The following NDRG4 variants were observed in gnomAD, a reference collection of about 807,000 sequenced individuals.
NDRG4 encodes NDRG family member 4, also known as protein NDRG4.
NDRG4 carries 38 observed loss-of-function variants against 55.8 expected under a neutral mutation model. That is an observed-to-expected ratio of 0.68 (90% CI 0.53 to 0.89). The LOEUF (loss-of-function observed/expected upper bound fraction) is 0.89, where lower values mean the gene tolerates loss of function less well. Ranked by LOEUF, NDRG4 falls within the 40% of genes least tolerant of loss-of-function variation. The pLI is 0.00. For synonymous variants in NDRG4, 190 were observed against 182.7 expected, an observed-to-expected ratio of 1.04 and a Z score of -0.32; for missense variants, 455 against 468.6, an observed-to-expected ratio of 0.97 and a Z score of 0.27.
At chr16:58,486,351 G>A (rs2035073690) in intron 1 of NDRG4, among the ~76,000 whole-genome samples, 1 of 151,624 alleles carries the variant, frequency 6.6e-6, no homozygotes, top group Non-Finnish European at 1.5e-5. Context: ...GTAGAGATGG[G>A]GCCTTGCTAT....
chr16:58,473,288 C>G (rs1016090799), intron 1 of NDRG4, among the ~76,000 whole-genome samples: 19 of 152,098 alleles, frequency 1.2e-4, no homozygotes, highest in Non-Finnish European at 2.1e-4. Context: ...GCCCCCGCCC[C>G]TAAGTAGCTG....
At chr16:58,510,238 G>GCA (rs1185404783) in intron 13 of NDRG4, among the ~76,000 whole-genome samples, 5 of 152,344 alleles carry the variant, frequency 3.3e-5, no homozygotes, top group Admixed American at 6.5e-5. Context: ...TCAGGGCACA[G>GCA]CAAGCATTTG....
chr16:58,514,781 A>C (rs887444231), downstream of NDRG4, among the ~76,000 whole-genome samples: 6 of 127,538 alleles, frequency 4.7e-5, no homozygotes, highest in East Asian at 2.7e-4. Flanking sequence ...AAAAAAAAAA[A>C]CTGAGTGTTG....
intron 13 of NDRG4, 24 bp downstream of exon 13, chr16:58,509,376 C>T: frequency 1.9e-6 from 3 of 1,611,430 alleles, no homozygotes; most frequent in Non-Finnish European, 2.5e-6. Flanking sequence ...CACCCCACCC[C>T]ACACCACCTA....
chr16:58,484,203 C>T (rs1219586552), intron 1 of NDRG4, among the ~76,000 whole-genome samples: 1 of 152,096 alleles, frequency 6.6e-6, no homozygotes, highest in African/African-American at 2.4e-5. Flanking sequence ...AACCTCATTT[C>T]TACTAAAAAT....
chr16:58,469,746 A>G (rs2151557612), intron 1 of NDRG4, among the ~76,000 whole-genome samples: 1 of 152,362 alleles, frequency 6.6e-6, no homozygotes, highest in Middle Eastern at 3.4e-3. Context: ...GACAGCTCAC[A>G]CGTATATGGC....
intron 1 of NDRG4, chr16:58,465,370 A>G (rs115111921): frequency 5.5e-6 from 2 of 360,956 alleles, no homozygotes; most frequent in African/African-American, 4.3e-5. Context: ...CGCTCAGGAA[A>G]CGGTGGAATC....
chr16:58,507,529 C>T, intron 8 of NDRG4: 1 of 498,896 alleles, frequency 2.0e-6, no homozygotes, highest in Non-Finnish European at 3.5e-6. Flanking sequence ...GACCCAGGGC[C>T]TGCCATCCCA....
At chr16:58,466,879 C>T (rs1332210323) in intron 1 of NDRG4, among the ~76,000 whole-genome samples, 3 of 152,300 alleles carry the variant, frequency 2.0e-5, no homozygotes, top group South Asian at 2.1e-4. Context: ...AGGCGACACA[C>T]GTGGTTGGGA....
intron 1 of NDRG4, among the ~76,000 whole-genome samples, chr16:58,481,697 C>T (rs1402234119): frequency 6.6e-6 from 1 of 152,124 alleles, no homozygotes; most frequent in Non-Finnish European, 1.5e-5. Context: ...TCTGGGTCCC[C>T]TCCTGGGTTG....
chr16:58,478,917 C>T (rs569631316), intron 1 of NDRG4, among the ~76,000 whole-genome samples: 7 of 151,994 alleles, frequency 4.6e-5, no homozygotes, highest in African/African-American at 1.7e-4. Context: ...AAACCCATAT[C>T]CTTCCTCAGA....
chr16:58,506,925 A>G lies in NDRG4; in HGVS notation c.530A>G (p.Asn177Ser). The change falls in exon 8 of 15, where the codon AAC (asparagine) becomes AGC (serine). Residue 177 changes from asparagine (N) to serine (S), a missense_variant. Coordinates refer to ENST00000570248, the MANE Select transcript of NDRG4 (RefSeq NM_001242835.2). ...CCCTGGGCCTAGGAGGAGCTGGTGA[A>G]CAACACAGAGTTGGTGCAGAGCTAC... ...SHLFSQEELV[N>S]NTELVQSYRQ... 6.2e-7 allele frequency: 1 copy of G among 1,614,030 alleles called. No homozygotes were observed. Among genetic ancestry groups the G allele is most frequent in the Non-Finnish European group, 8.5e-7 (1 of 1,179,968 alleles).
chr16:58,510,001 C>T (rs1014676314), intron 13 of NDRG4, among the ~76,000 whole-genome samples: 1 of 152,188 alleles, frequency 6.6e-6, no homozygotes, highest in African/African-American at 2.4e-5. Context: ...CCCTTCCCTC[C>T]AAGACATACC....
intron 1 of NDRG4, among the ~76,000 whole-genome samples, chr16:58,481,449 G>GGTGCGTGCGTGT (rs1276740449): frequency 6.6e-6 from 1 of 152,056 alleles, no homozygotes; most frequent in Non-Finnish European, 1.5e-5. Context: ...ATGTGCTGGG[G>GGTGCGTGCGTGT]GTGCGTGCGT....
chr16:58,478,358 C>T (rs1263183841), intron 1 of NDRG4, among the ~76,000 whole-genome samples: 1 of 150,968 alleles, frequency 6.6e-6, no homozygotes, highest in African/African-American at 2.4e-5. Context: ...CATTGCACTC[C>T]AGCCTGGGCG....
chr16:58,483,182 C>G (rs1305920265), intron 1 of NDRG4, among the ~76,000 whole-genome samples: 1 of 152,098 alleles, frequency 6.6e-6, no homozygotes, highest in East Asian at 1.9e-4. Flanking sequence ...TGTATAACTA[C>G]TACTGATCAA....
downstream of NDRG4, among the ~76,000 whole-genome samples, chr16:58,515,269 C>A (rs1192441348): frequency 2.0e-5 from 3 of 152,224 alleles, no homozygotes; most frequent in East Asian, 5.8e-4. Flanking sequence ...CCCTCGGGGA[C>A]AGACCGAAGG....
At chr16:58,495,136 G>C (rs1182768257) in intron 3 of NDRG4, 1 of 913,810 alleles carries the variant, frequency 1.1e-6, no homozygotes, top group Non-Finnish European at 1.7e-6. Flanking sequence ...AGATGCTGGG[G>C]TGGGAGATGA....
At chr16:58,498,481 A>C, upstream of NDRG4, among the ~76,000 whole-genome samples, 1 of 152,180 alleles carries the variant, frequency 6.6e-6, no homozygotes, top group Non-Finnish European at 1.5e-5. Flanking sequence ...ACTTTCTCCA[A>C]GGGCAGCCAG....
Sources: gnomAD v4.1 joint callset for allele counts (sites outside exome capture counted in the v4.1 genomes callset) on GRCh38, gnomAD v4.1.1 for gene constraint, MANE v1.5 for transcripts, NCBI Gene and HGNC (gene_info 2026-07-23, HGNC 2026-07-21) for gene names.